The following C2orf76 variants were observed in gnomAD, a reference collection of about 807,000 sequenced individuals.
C2orf76 encodes UPF0538 protein C2orf76.
In C2orf76, 23 loss-of-function variants were observed where a neutral mutation model predicts 16.9. The observed-to-expected ratio is 1.36, with a 90% CI of 0.98 to 1.93. The LOEUF (loss-of-function observed/expected upper bound fraction) is 1.93, where lower values mean the gene tolerates loss of function less well. Ranked by LOEUF, C2orf76 falls within the 30% of genes most tolerant of loss-of-function variation. C2orf76 has a pLI of 0.00. For synonymous variants in C2orf76, 48 were observed against 52.3 expected (o/e 0.92, Z 0.35); for missense variants, 152 against 152.6 (o/e 1.00, Z 0.02).
the C2orf76 span, among the ~76,000 whole-genome samples, chr2:119,296,664 GTGTCT>G: frequency 1.3e-5 from 2 of 152,226 alleles, no homozygotes; most frequent in Admixed American, 6.5e-5. Flanking sequence ...TCTCCTGCCT[GTGTCT>G]GGGGCAGGCA....
At chr2:119,343,663 T>A (rs1573668498) in intron 1 of C2orf76, among the ~76,000 whole-genome samples, 2 of 152,178 alleles carry the variant, frequency 1.3e-5, no homozygotes, top group Admixed American at 1.3e-4. Flanking sequence ...CCGGGCGTGG[T>A]GGCACATGCC....
chr2:119,354,273 G>A (rs1680496051), intron 1 of C2orf76, among the ~76,000 whole-genome samples: 1 of 152,196 alleles, frequency 6.6e-6, no homozygotes, highest in African/African-American at 2.4e-5. Flanking sequence ...ACTTTGAGAG[G>A]CTGAGGAAGG....
chr2:119,367,069 C>T (rs767950936), upstream of C2orf76: 1 of 1,613,976 alleles, frequency 6.2e-7, no homozygotes, highest in South Asian at 1.1e-5. Flanking sequence ...AGGTACAGCG[C>T]GTGCACAGCC....
At chr2:119,286,726 C>T in the C2orf76 span, among the ~76,000 whole-genome samples, 11 of 152,130 alleles carry the variant, frequency 7.2e-5, no homozygotes, top group South Asian at 4.2e-4. Flanking sequence ...AGGCTGGACT[C>T]GGTGGATGAG....
intron 4 of C2orf76, 70 bp from the exon 5 acceptor site, chr2:119,311,773 G>A: frequency 7.3e-7 from 1 of 1,369,426 alleles, no homozygotes; most frequent in Non-Finnish European, 1.0e-6. Flanking sequence ...ACTTCTCAAA[G>A]ACACAGAGTT....
In C2orf76 at chr2:119,313,655, T is replaced by C. The variant is rs144369713; in HGVS notation, c.223-1952A>G. Among the ~76,000 whole-genome samples the C allele has an allele frequency of 2.0e-3, 298 of 152,206 alleles. 4 individuals carry two copies. Among genetic ancestry groups the C allele is most frequent in the African/African-American group, 7.0e-3 (290 of 41,532 alleles). On this transcript the variant is annotated intron_variant, in intron 4 of 5. Coordinates refer to ENST00000334816, the MANE Select transcript of C2orf76 (RefSeq NM_001322331.2). ...CTCATTATACAAAGTTCTCCAAGCATATATGAATAGAAAGTGAAAAGTCAG... is the reference window on the plus strand; with the variant it reads ...CTCATTATACAAAGTTCTCCAAGCACATATGAATAGAAAGTGAAAAGTCAG...
At position 119,302,546 on chromosome 2, in the gene C2orf76, T is replaced by C; in HGVS notation, c.307A>G (p.Ser103Gly). The C allele has an allele frequency of 1.3e-6, 2 of 1,487,996 alleles. No individual in the cohort carries two copies. The highest frequency in any genetic ancestry group is 1.4e-5 in the South Asian group (1 of 72,674). The allele number at this position is 1,487,996 out of a possible 1,614,324, so 92.2% of individuals were successfully genotyped here. ...DSTLKAAGIA[S>G]ETEIAFFCEE... ...CAGAAGAATGCAATTTCAGTTTCAC[T>C]GGCTGAAAAAAAACAGAAAATGGAA... Residue 103 changes from serine (S) to glycine (G), a missense_variant and splice_region_variant, in exon 6 of 6, where the codon AGT (serine) becomes GGT (glycine). Physicochemically the swap from Ser to Gly is moderately conservative, Grantham distance 56. Coordinates refer to ENST00000334816, the MANE Select transcript of C2orf76 (RefSeq NM_001322331.2).
At chr2:119,362,856 T>G (rs781602717) in intron 1 of C2orf76, among the ~76,000 whole-genome samples, 12 of 152,102 alleles carry the variant, frequency 7.9e-5, no homozygotes, top group Non-Finnish European at 1.5e-4. Context: ...ATGGTAAACA[T>G]GTGCATGCCA....
At chr2:119,305,958 C>CA (rs1006028585) in intron 5 of C2orf76, among the ~76,000 whole-genome samples, 11 of 125,796 alleles carry the variant, frequency 8.7e-5, no homozygotes, top group Non-Finnish European at 1.9e-4. Flanking sequence ...AAAAAAAAAA[C>CA]AAAAAAAACC....
At chr2:119,315,189 C>T (rs1679128026) in intron 4 of C2orf76, among the ~76,000 whole-genome samples, 1 of 151,800 alleles carries the variant, frequency 6.6e-6, no homozygotes, top group Non-Finnish European at 1.5e-5. Flanking sequence ...AATACACACA[C>T]ACATACACAC....
At chr2:119,319,489 A>C (rs181970408) in intron 3 of C2orf76, among the ~76,000 whole-genome samples, 6 of 152,306 alleles carry the variant, frequency 3.9e-5, no homozygotes, top group Non-Finnish European at 7.3e-5. Context: ...AAATTCCTTG[A>C]GGAAAGCAAC....
chr2:119,351,568 T>C (rs1026326522), intron 1 of C2orf76, among the ~76,000 whole-genome samples: 5 of 151,684 alleles, frequency 3.3e-5, no homozygotes, highest in Admixed American at 1.3e-4. Context: ...CTGGGCAACA[T>C]AGCAAGACTC....
intron 1 of C2orf76, among the ~76,000 whole-genome samples, chr2:119,346,222 AAT>A (rs1461769570): frequency 6.6e-6 from 1 of 152,202 alleles, no homozygotes; most frequent in Non-Finnish European, 1.5e-5. Flanking sequence ...TCTGAAAAAG[AAT>A]ATGGCAATTT....
At chr2:119,315,728 T>C (rs1306070344) in intron 4 of C2orf76, among the ~76,000 whole-genome samples, 1 of 152,198 alleles carries the variant, frequency 6.6e-6, no homozygotes. Context: ...GCACTCTGAG[T>C]GACTTAATTG....
the C2orf76 span, among the ~76,000 whole-genome samples, chr2:119,290,784 C>G: frequency 1.3e-5 from 2 of 152,024 alleles, no homozygotes; most frequent in African/African-American, 2.4e-5. Context: ...GAGCCGAGAT[C>G]GTGCCACTGC....
At chr2:119,351,446 G>A (rs933980633) in intron 1 of C2orf76, among the ~76,000 whole-genome samples, 2 of 152,112 alleles carry the variant, frequency 1.3e-5, no homozygotes, top group African/African-American at 4.8e-5. Flanking sequence ...TACAATATAA[G>A]AGCTGAAACA....
intron 1 of C2orf76, chr2:119,366,473 G>A (rs1680998373): frequency 8.5e-6 from 4 of 471,790 alleles, no homozygotes; most frequent in South Asian, 4.6e-5. Flanking sequence ...TTCGCCTTTC[G>A]GGAGACCAGT....
intron 4 of C2orf76, among the ~76,000 whole-genome samples, chr2:119,316,901 A>C (rs1679189516): frequency 6.6e-6 from 1 of 152,230 alleles, no homozygotes; most frequent in Non-Finnish European, 1.5e-5. Context: ...AAGTAAAAAA[A>C]CAGAAATATA....
the C2orf76 span, among the ~76,000 whole-genome samples, chr2:119,295,723 G>A: frequency 6.6e-6 from 1 of 152,190 alleles, no homozygotes; most frequent in Non-Finnish European, 1.5e-5. Flanking sequence ...AAAACGGTCT[G>A]CCCTTACCTA....
Sources: allele counts gnomAD v4.1 joint callset (sites outside exome capture counted in the v4.1 genomes callset), GRCh38; gene constraint gnomAD v4.1.1; transcripts MANE v1.5; gene names NCBI Gene and HGNC (gene_info 2026-07-23, HGNC 2026-07-21).